Variants in SLC44A2 observed in about 807,000 individuals in gnomAD.
SLC44A2 encodes choline transporter-like protein 2.
SLC44A2 carries 57 observed loss-of-function variants against 90.8 expected under a neutral mutation model. That is an observed-to-expected ratio of 0.63 (90% CI 0.51 to 0.78). SLC44A2 has a LOEUF of 0.78. Ranked by LOEUF, SLC44A2 falls within the 30% of genes least tolerant of loss-of-function variation. The pLI, the probability that SLC44A2 is intolerant of heterozygous loss-of-function variation, is 0.00. For synonymous variants in SLC44A2, 355 were observed against 360.7 expected (o/e 0.98, Z 0.18); for missense variants, 794 against 919.7 (o/e 0.86, Z 1.77).
chr19:10,635,290 G>A, intron 13 of SLC44A2, 35 bp downstream of exon 13: 1 of 1,610,966 alleles, frequency 6.2e-7, no homozygotes, highest in Non-Finnish European at 8.5e-7. Context: ...CTGACCCCAG[G>A]GATGGCTAAA....
At chr19:10,632,404 T>C (rs2067007075) in intron 10 of SLC44A2, among the ~76,000 whole-genome samples, 1 of 150,978 alleles carries the variant, frequency 6.6e-6, no homozygotes, top group African/African-American at 2.4e-5. Flanking sequence ...GGCATGGAGG[T>C]GCATGCCTGT....
intron 1 of SLC44A2, among the ~76,000 whole-genome samples, chr19:10,615,660 G>T (rs1038069941): frequency 6.6e-5 from 10 of 152,072 alleles, no homozygotes; most frequent in African/African-American, 2.4e-4. Context: ...TGTCTCAGGG[G>T]TAACAGAGGC....
At chr19:10,641,108 C>G (rs767767766) in intron 20 of SLC44A2, 1 of 403,300 alleles carries the variant, frequency 2.5e-6, no homozygotes, top group South Asian at 1.8e-5. Flanking sequence ...AAAAAAGGCT[C>G]TCAGCCAGAC....
chr19:10,637,832 T>C (rs1343700532), intron 17 of SLC44A2, 24 bp from the exon 18 acceptor site: 1 of 1,613,762 alleles, frequency 6.2e-7, no homozygotes. Context: ...GTGGGTCTGA[T>C]CTCTCCCTCC....
At chr19:10,634,137 AT>A (rs1177075276) in intron 10 of SLC44A2, among the ~76,000 whole-genome samples, 28,151 of 80,570 alleles carry the variant, frequency 0.35, 2,099 homozygotes, top group Non-Finnish European at 0.36. Context: ...CGCCCAGCTA[AT>A]TTTTTTTTTT....
At position 10,634,986 on chromosome 19, in the gene SLC44A2, G is replaced by A. The variant is rs758430158; in HGVS notation, c.968G>A (p.Ser323Asn). 3 of 1,614,014 alleles carry A rather than the reference G, an allele frequency of 1.9e-6. No homozygotes were observed. In the African/African-American group the frequency reaches 4.0e-5, roughly 22 times the overall value. Residue 323 changes from serine (S) to asparagine (N), a missense_variant, in exon 12 of 22, where the codon AGT (serine) becomes AAT (asparagine). Physicochemically the swap from Ser to Asn is conservative, Grantham distance 46 (BLOSUM62 1). Transcript: ENST00000335757. ...TTGCCCTTTGCAGTGATCATTCTGA[G>A]TATCCTTGAAGTCATTATCATCTTG... ...QTWLAFMIIL[S>N]ILEVIIILLL... is the part of the protein sequence containing the mutation.
chr19:10,640,828 G>A (rs1244812635), intron 20 of SLC44A2, among the ~76,000 whole-genome samples: 1 of 152,158 alleles, frequency 6.6e-6, no homozygotes, highest in African/African-American at 2.4e-5. Context: ...GCCCACACCT[G>A]TAATCCCAGC....
chr19:10,613,693 G>A (rs2066831634), intron 1 of SLC44A2, among the ~76,000 whole-genome samples: 1 of 152,106 alleles, frequency 6.6e-6, no homozygotes, highest in South Asian at 2.1e-4. Context: ...TAAGAAAAAT[G>A]GAAGAGGGTG....
chr19:10,632,206 C>T (rs535580971), intron 10 of SLC44A2, 50 bp downstream of exon 10: 4 of 1,507,058 alleles, frequency 2.7e-6, no homozygotes, highest in Admixed American at 1.7e-5. Flanking sequence ...CGCACACTGC[C>T]CTGCCCTTTC....
intron 1 of SLC44A2, among the ~76,000 whole-genome samples, chr19:10,605,565 T>C (rs958087273): frequency 6.6e-5 from 10 of 151,946 alleles, no homozygotes; most frequent in African/African-American, 2.4e-4. Context: ...AGTGTACCTA[T>C]AGTCCCAGCT....
intron 1 of SLC44A2, among the ~76,000 whole-genome samples, chr19:10,611,476 A>G (rs562457763): frequency 6.7e-4 from 102 of 151,690 alleles, no homozygotes; most frequent in African/African-American, 2.5e-3. Flanking sequence ...AAATAAATAA[A>G]CAAACAAGAG....
chr19:10,631,228 A>G, intron 5 of SLC44A2, 47 bp from the exon 6 acceptor site: 1 of 1,607,956 alleles, frequency 6.2e-7, no homozygotes, highest in Non-Finnish European at 8.5e-7. Context: ...CTCAGTCCTG[A>G]GCAGTCTGCC....
intron 8 of SLC44A2, 22 bp downstream of exon 8, chr19:10,631,771 G>A (rs372913165): frequency 1.0e-4 from 165 of 1,613,932 alleles, no homozygotes; most frequent in African/African-American, 6.9e-4. Flanking sequence ...GGCGCACCGC[G>A]CCAGGGTCTC....
chr19:10,618,815 C>A (rs2066876644), intron 1 of SLC44A2, among the ~76,000 whole-genome samples: 1 of 151,924 alleles, frequency 6.6e-6, no homozygotes, highest in Admixed American at 6.6e-5. Flanking sequence ...CTCAGGCAAT[C>A]CGCCTGCTTC....
intron 1 of SLC44A2, among the ~76,000 whole-genome samples, chr19:10,616,865 C>G (rs144955039): frequency 2.6e-3 from 398 of 152,266 alleles, no homozygotes; most frequent in Non-Finnish European, 4.1e-3. Flanking sequence ...ACCTCAGTCT[C>G]CCTGGTAGCT....
intron 1 of SLC44A2, among the ~76,000 whole-genome samples, chr19:10,619,746 G>A (rs1452229497): frequency 6.6e-6 from 1 of 151,984 alleles, no homozygotes; most frequent in Non-Finnish European, 1.5e-5. Context: ...CTGAGCTCAG[G>A]AGTTCGCGAC....
chr19:10,616,317 G>A (rs1351797596), intron 1 of SLC44A2, among the ~76,000 whole-genome samples: 12 of 152,154 alleles, frequency 7.9e-5, no homozygotes, highest in East Asian at 1.9e-4. Context: ...TGCAACCTCC[G>A]TCTCCCCCGG....
At chr19:10,605,686 CA>C (rs201090878) in intron 1 of SLC44A2, among the ~76,000 whole-genome samples, 221 of 133,526 alleles carry the variant, frequency 1.7e-3, no homozygotes, top group Admixed American at 1.4e-3. Flanking sequence ...GACTCCGTCT[CA>C]AAAAAAAAAA....
chr19:10,621,454 T>C (rs1408107155), upstream of SLC44A2, among the ~76,000 whole-genome samples: 1 of 42,842 alleles, frequency 2.3e-5, no homozygotes, highest in Non-Finnish European at 4.9e-5. Flanking sequence ...TTTTTGTGGG[T>C]TTTCTTTTAG....
Sources: gnomAD v4.1 joint callset for allele counts (sites outside exome capture counted in the v4.1 genomes callset) on GRCh38, gnomAD v4.1.1 for gene constraint, MANE v1.5 for transcripts, NCBI Gene and HGNC (gene_info 2026-07-23, HGNC 2026-07-21) for gene names.